The following CACNA2D3 variants were observed in gnomAD, a reference collection of about 807,000 sequenced individuals.
CACNA2D3 encodes the protein calcium voltage-gated channel auxiliary subunit alpha2delta 3.
CACNA2D3 carries 60 observed loss-of-function variants against 160.6 expected under a neutral mutation model. That is an observed-to-expected ratio of 0.37 (90% confidence interval 0.30 to 0.46). The LOEUF (loss-of-function observed/expected upper bound fraction) is 0.46, where lower values mean the gene tolerates loss of function less well. Among genes scored for constraint, CACNA2D3 ranks in the 20% least tolerant of loss-of-function variants. The probability of loss-of-function intolerance (pLI) is 1.00; values close to 1 mark genes in which losing one functional copy is unlikely to be tolerated. For missense variants in CACNA2D3, 1,205 were observed against 1,365.0 expected (o/e 0.88, Z 1.85); for synonymous variants, 558 against 492.9 (o/e 1.13, Z -1.75).
At chr3:54,577,030 A>T (rs1559517313) in intron 8 of CACNA2D3, among the ~76,000 whole-genome samples, 1 of 151,988 alleles carries the variant, frequency 6.6e-6, no homozygotes, top group Non-Finnish European at 1.5e-5. Flanking sequence ...CGTGAGTGGG[A>T]CCCGCGTTTC....
rs1003716569 is a variant in CACNA2D3, at chr3:54,845,105, T to C, written c.1552-1288T>C. On this transcript the variant is annotated intron_variant, in intron 16 of 37. Coordinates refer to ENST00000474759, the MANE Select transcript of CACNA2D3 (RefSeq NM_018398.3). ...TTATCTTTCACAGCATAATGAAATA[T>C]ACTTTTATCATTAGAGTCAAGTAGA... 9.2e-5 allele frequency among the ~76,000 whole-genome samples: 14 copies of C among 152,250 alleles called. No individual in the cohort carries two copies. The East Asian group carries it at 1.5e-3, about 17-fold the overall frequency.
chr3:54,901,204 C>T (rs1200408455), intron 27 of CACNA2D3: 5 of 152,172 alleles, frequency 3.3e-5, no homozygotes, highest in African/African-American at 7.2e-5. Context: ...TGTTGTCTCC[C>T]GGGAGCTGAG....
At chr3:54,566,754 T>G (rs1302620762) in intron 6 of CACNA2D3, among the ~76,000 whole-genome samples, 1 of 152,178 alleles carries the variant, frequency 6.6e-6, no homozygotes, top group Non-Finnish European at 1.5e-5. Flanking sequence ...GCTTGGTAAT[T>G]ACAAAGGTCA....
chr3:54,711,419 A>C, intron 11 of CACNA2D3, among the ~76,000 whole-genome samples: 1 of 152,210 alleles, frequency 6.6e-6, no homozygotes, highest in East Asian at 1.9e-4. Flanking sequence ...TGCCATTCTT[A>C]ACATGTAAAC....
At position 54,498,898 on chromosome 3, in the gene CACNA2D3, T is replaced by G. The variant is rs1034085769; in HGVS notation, c.382-4594T>G. On this transcript the variant is annotated intron_variant, in intron 4 of 37. Coordinates refer to ENST00000474759, the MANE Select transcript of CACNA2D3 (RefSeq NM_018398.3). ...TTTAGTCTATTTGCAGGTATCATCT[T>G]TTATTAAAATCTAGATATCAATGAT... Among the ~76,000 whole-genome samples, 5 of 152,246 alleles carry G rather than the reference T, an allele frequency of 3.3e-5. No individual in the cohort carries two copies. In the East Asian group the frequency reaches 7.7e-4, roughly 23 times the overall value.
At position 54,122,568 on chromosome 3, in the gene CACNA2D3, C is replaced by G. The variant is rs1471901230; in HGVS notation, c.-146C>G. 6.1e-6 allele frequency: 1 copy of G among 164,628 alleles called. No individual in the cohort carries two copies. Among genetic ancestry groups the G allele is most frequent in the Admixed American group, 6.9e-5 (1 of 14,506 alleles). 10.2% of individuals were successfully genotyped at this position (164,628 alleles called of 1,614,324 possible). A position where few individuals can be genotyped will look rare whatever the true frequency, so the allele number is the denominator to read the frequency against. On this transcript the variant is annotated 5_prime_UTR_variant, in exon 1 of 38. Transcript: ENST00000474759. ...CCCCCACCCGCTCCTTTTTCTGCTC[C>G]CCAAGTGAGCCGGGCGCGCGAGAGG...
At chr3:54,672,551 A>G (rs1575416478) in intron 11 of CACNA2D3, among the ~76,000 whole-genome samples, 1 of 152,188 alleles carries the variant, frequency 6.6e-6, no homozygotes, top group African/African-American at 2.4e-5. Flanking sequence ...AAAACTAAAG[A>G]TGAAATGGAT....
intron 2 of CACNA2D3, among the ~76,000 whole-genome samples, chr3:54,227,418 G>GA (rs957369889): frequency 2.7e-5 from 4 of 150,766 alleles, no homozygotes; most frequent in South Asian, 2.1e-4. Flanking sequence ...CTTAGGGACA[G>GA]AAAAAAAAAT....
chr3:54,189,374 T>G (rs1175089054), intron 2 of CACNA2D3, among the ~76,000 whole-genome samples: 1 of 152,138 alleles, frequency 6.6e-6, no homozygotes, highest in African/African-American at 2.4e-5. Context: ...TGCATAACTC[T>G]CCTCCATGGT....
intron 13 of CACNA2D3, among the ~76,000 whole-genome samples, chr3:54,798,119 T>G (rs1702905941): frequency 6.6e-6 from 1 of 152,220 alleles, no homozygotes; most frequent in South Asian, 2.1e-4. Context: ...TCTTAGAAAA[T>G]TCATAGCTTT....
intron 3 of CACNA2D3, among the ~76,000 whole-genome samples, chr3:54,376,908 A>G (rs533047191): frequency 6.6e-6 from 1 of 152,358 alleles, no homozygotes; most frequent in South Asian, 2.1e-4. Context: ...AAAGAACAAC[A>G]AGGGAATTGG....
At chr3:54,538,608 A>G (rs1168335400) in intron 5 of CACNA2D3, among the ~76,000 whole-genome samples, 1 of 152,156 alleles carries the variant, frequency 6.6e-6, no homozygotes, top group Non-Finnish European at 1.5e-5. Flanking sequence ...CTGGGCATTC[A>G]CAGGGGCTAC....
At chr3:55,072,795 T>TTTAAG (rs1704840858) in intron 35 of CACNA2D3, among the ~76,000 whole-genome samples, 1 of 152,164 alleles carries the variant, frequency 6.6e-6, no homozygotes, top group Admixed American at 6.5e-5. Context: ...GCCAAGCTTG[T>TTTAAG]TTAAGTTGGA....
intron 2 of CACNA2D3, among the ~76,000 whole-genome samples, chr3:54,253,824 G>C (rs1702242168): frequency 6.6e-6 from 1 of 152,050 alleles, no homozygotes. Flanking sequence ...CTGGAGTGCA[G>C]TGGCACCATC....
chr3:54,297,399 G>A (rs532671642), intron 2 of CACNA2D3, among the ~76,000 whole-genome samples: 1 of 152,086 alleles, frequency 6.6e-6, no homozygotes, highest in Non-Finnish European at 1.5e-5. Flanking sequence ...GTCCTGGTGG[G>A]GGGTGTAGGA....
intron 9 of CACNA2D3, among the ~76,000 whole-genome samples, chr3:54,618,381 A>G (rs1183154877): frequency 7.1e-6 from 1 of 140,230 alleles, no homozygotes; most frequent in Non-Finnish European, 1.6e-5. Context: ...ATATGCACAC[A>G]CACACACACA....
At chr3:54,370,220 C>T (rs986695668) in intron 3 of CACNA2D3, among the ~76,000 whole-genome samples, 1 of 152,290 alleles carries the variant, frequency 6.6e-6, no homozygotes, top group East Asian at 1.9e-4. Flanking sequence ...ATTTTAGCTT[C>T]GGATTGAGCT....
At chr3:54,332,004 A>C (rs12493513) in intron 3 of CACNA2D3, among the ~76,000 whole-genome samples, 1,804 of 152,286 alleles carry the variant, frequency 0.012, 29 homozygotes, top group South Asian at 0.044. Context: ...TCACGTGGAG[A>C]AGGGGATGAA....
intron 31 of CACNA2D3, among the ~76,000 whole-genome samples, chr3:55,004,538 T>C (rs1387467008): frequency 6.6e-6 from 1 of 152,224 alleles, no homozygotes; most frequent in Non-Finnish European, 1.5e-5. Flanking sequence ...CTCTACCCTT[T>C]CCAATACCTT....
Sources: gnomAD v4.1 joint callset for allele counts (sites outside exome capture counted in the v4.1 genomes callset) on GRCh38, gnomAD v4.1.1 for gene constraint, MANE v1.5 for transcripts, NCBI Gene and HGNC (gene_info 2026-07-23, HGNC 2026-07-21) for gene names.